Variants in TTLL11 observed in about 807,000 individuals in gnomAD.
TTLL11 encodes tubulin polyglutamylase TTLL11.
Under a neutral mutation model 51.7 loss-of-function variants are expected in TTLL11, and 42 were observed. The ratio of observed to expected loss-of-function variants is 0.81; its 90% CI spans 0.64 to 1.05. TTLL11 has a LOEUF of 1.05. Ranked by LOEUF, TTLL11 falls within the 50% of genes least tolerant of loss-of-function variation. TTLL11 has a pLI of 0.00. For synonymous variants in TTLL11, 381 were observed against 383.5 expected, an observed-to-expected ratio of 0.99 and a Z score of 0.08; for missense variants, 799 against 940.4, an observed-to-expected ratio of 0.85 and a Z score of 1.97.
intron 3 of TTLL11, among the ~76,000 whole-genome samples, chr9:122,014,645 C>G (rs913631443): frequency 6.6e-6 from 1 of 152,084 alleles, no homozygotes; most frequent in Non-Finnish European, 1.5e-5. Context: ...ATATAAAGGG[C>G]ACTTAGTAAA....
At chr9:122,018,257 C>T (rs1052850624) in intron 3 of TTLL11, among the ~76,000 whole-genome samples, 7 of 151,832 alleles carry the variant, frequency 4.6e-5, no homozygotes, top group South Asian at 2.1e-4. Flanking sequence ...GGACTACAGG[C>T]GCCCGCCACC....
chr9:122,020,734 T>C (rs1844148303), intron 3 of TTLL11, among the ~76,000 whole-genome samples: 1 of 152,206 alleles, frequency 6.6e-6, no homozygotes, highest in South Asian at 2.1e-4. Flanking sequence ...ATGGGACTAG[T>C]GTCCTTATAA....
intron 6 of TTLL11, among the ~76,000 whole-genome samples, chr9:121,925,988 C>T (rs919839345): frequency 6.6e-6 from 1 of 152,216 alleles, no homozygotes; most frequent in Non-Finnish European, 1.5e-5. Flanking sequence ...GAAAATCCTG[C>T]CATATCAATG....
chr9:121,942,701 T>A (rs1436911501), intron 6 of TTLL11, among the ~76,000 whole-genome samples: 4 of 151,166 alleles, frequency 2.6e-5, no homozygotes, highest in African/African-American at 9.7e-5. Flanking sequence ...ATTAACCTCC[T>A]GCTACTCCCT....
intron 1 of TTLL11, among the ~76,000 whole-genome samples, chr9:122,055,960 C>T (rs1023540747): frequency 6.6e-6 from 1 of 152,226 alleles, no homozygotes; most frequent in African/African-American, 2.4e-5. Context: ...CTGTGTGTGG[C>T]CACTAACTTG....
intron 6 of TTLL11, among the ~76,000 whole-genome samples, chr9:121,880,493 TTCA>T (rs1281978186): frequency 1.3e-5 from 2 of 152,224 alleles, no homozygotes; most frequent in African/African-American, 2.4e-5. Context: ...GACTTAGTAT[TTCA>T]TCATCATCAT....
At chr9:122,045,664 G>A (rs1216277324) in intron 1 of TTLL11, among the ~76,000 whole-genome samples, 1 of 152,204 alleles carries the variant, frequency 6.6e-6, no homozygotes, top group Non-Finnish European at 1.5e-5. Context: ...GTGTCCATTA[G>A]TGGATGAAGA....
rs1843323585 is a variant in TTLL11, at chr9:121,997,807, T to G, written c.694-8037A>C. Among the ~76,000 whole-genome samples the G allele has an allele frequency of 2.6e-5, 4 of 152,192 alleles. No individual in the cohort carries two copies. In the South Asian group the frequency reaches 8.3e-4, roughly 31 times the overall value. ...GGAGTCTCAGCTCCTGCCTATCCTATCCTATCCTCCAGTGCTCGCCCATGG... is the reference window on the plus strand; with the variant it reads ...GGAGTCTCAGCTCCTGCCTATCCTAGCCTATCCTCCAGTGCTCGCCCATGG... On this transcript the variant is annotated intron_variant, in intron 3 of 8. Coordinates refer to ENST00000321582, the MANE Select transcript of TTLL11 (RefSeq NM_001139442.2).
intron 1 of TTLL11, among the ~76,000 whole-genome samples, chr9:122,083,700 C>T (rs563083923): frequency 2.9e-4 from 44 of 152,238 alleles, no homozygotes; most frequent in African/African-American, 1.1e-3. Flanking sequence ...CTCCCAGCTA[C>T]TTGGGAGGCT....
At chr9:121,864,262 T>C (rs1838112032) in intron 7 of TTLL11, among the ~76,000 whole-genome samples, 1 of 152,206 alleles carries the variant, frequency 6.6e-6, no homozygotes, top group Non-Finnish European at 1.5e-5. Context: ...TCTCAGAGAC[T>C]ATACGTGATC....
At chr9:121,837,195 T>A (rs1588058499) in intron 8 of TTLL11, among the ~76,000 whole-genome samples, 1 of 98,412 alleles carries the variant, frequency 1.0e-5, no homozygotes, top group Admixed American at 8.4e-5. Context: ...AGGATGCTTT[T>A]CTCCTGTTTT....
chr9:122,024,495 T>G (rs1488999364), intron 3 of TTLL11, among the ~76,000 whole-genome samples: 8 of 152,178 alleles, frequency 5.3e-5, no homozygotes, highest in Admixed American at 5.2e-4. Flanking sequence ...TTGAAAAAGA[T>G]GAACAAAGTT....
At chr9:122,085,136 T>G (rs557567381) in intron 1 of TTLL11, among the ~76,000 whole-genome samples, 38 of 152,188 alleles carry the variant, frequency 2.5e-4, no homozygotes, top group African/African-American at 8.9e-4. Flanking sequence ...GGTAGGCGCC[T>G]GTAGTCCCAG....
chr9:121,953,773 G>A (rs932672746), intron 6 of TTLL11, among the ~76,000 whole-genome samples: 4 of 151,530 alleles, frequency 2.6e-5, no homozygotes, highest in Non-Finnish European at 5.9e-5. Context: ...CAAAAAACCC[G>A]ACGAACCTTG....
intron 6 of TTLL11, among the ~76,000 whole-genome samples, chr9:121,972,830 G>A (rs1255415303): frequency 3.3e-5 from 5 of 152,260 alleles, no homozygotes; most frequent in South Asian, 2.1e-4. Flanking sequence ...GCAGCCAAGC[G>A]TAAGAAGCAC....
chr9:121,941,142 C>A (rs1403015322), intron 6 of TTLL11, among the ~76,000 whole-genome samples: 1 of 152,204 alleles, frequency 6.6e-6, no homozygotes, highest in Non-Finnish European at 1.5e-5. Flanking sequence ...CTCAGGATTG[C>A]TAGATATAAC....
chr9:121,868,169 C>T (rs1036499050), intron 7 of TTLL11, among the ~76,000 whole-genome samples: 1 of 152,072 alleles, frequency 6.6e-6, no homozygotes, highest in Non-Finnish European at 1.5e-5. Flanking sequence ...GAGAGAAGCA[C>T]CCCAGCTTGC....
chr9:121,834,725 G>C (rs1372233563), intron 8 of TTLL11, among the ~76,000 whole-genome samples: 2 of 152,118 alleles, frequency 1.3e-5, no homozygotes, highest in South Asian at 4.2e-4. Flanking sequence ...TACTCAGGAG[G>C]CTGAGGCAGG....
rs1188531889 is a variant in TTLL11 at position 122,092,949 on chromosome 9, G to A, written c.200C>T (p.Pro67Leu). 2 of 1,577,810 alleles carry A rather than the reference G, an allele frequency of 1.3e-6. No individual in the cohort carries two copies. Among genetic ancestry groups the A allele is most frequent in the South Asian group, 2.3e-5 (2 of 87,242 alleles). Residue 67 changes from proline to leucine, a missense_variant, in exon 1 of 9, where the codon CCG becomes CTG. Physicochemically the swap from Pro to Leu is moderately conservative, Grantham distance 98. Coordinates refer to ENST00000321582, the MANE Select transcript of TTLL11 (RefSeq NM_001139442.2). Reference protein sequence around the residue: ...EEQPKVLAPAPAQPSAAEEGN... With the variant: ...EEQPKVLAPALAQPSAAEEGN... ...CTCCTCAGCCGCACTGGGCTGCGCCGGGGCCGGGGCCAGGACCTTGGGCTG... is the reference window on the plus strand; with the variant it reads ...CTCCTCAGCCGCACTGGGCTGCGCCAGGGCCGGGGCCAGGACCTTGGGCTG...
Sources: gnomAD v4.1 joint callset for allele counts (sites outside exome capture counted in the v4.1 genomes callset) on GRCh38, gnomAD v4.1.1 for gene constraint, MANE v1.5 for transcripts, NCBI Gene and HGNC (gene_info 2026-07-23, HGNC 2026-07-21) for gene names.